PLXDC2: variants seen among roughly 807,000 people sequenced by gnomAD.
PLXDC2 encodes the protein plexin domain containing 2, also known as plexin domain-containing protein 2.
A neutral mutation model predicts 68.9 loss-of-function variants in PLXDC2; 40 were observed. The ratio of observed to expected loss-of-function variants is 0.58; its 90% CI spans 0.45 to 0.76. The LOEUF is 0.76. Ranked by LOEUF, PLXDC2 falls within the 30% of genes least tolerant of loss-of-function variation. The pLI is 0.00. For missense variants in PLXDC2, 644 were observed against 661.9 expected, an observed-to-expected ratio of 0.97 and a Z score of 0.30; for synonymous variants, 243 against 234.2, an observed-to-expected ratio of 1.04 and a Z score of -0.34.
intron 1 of PLXDC2, among the ~76,000 whole-genome samples, chr10:19,979,004 T>C (rs1268774002): frequency 2.6e-5 from 4 of 152,222 alleles, no homozygotes; most frequent in African/African-American, 9.6e-5. Flanking sequence ...AAAGTGTGTA[T>C]GTTGTGGAGC....
chr10:20,225,349 T>C (rs958876447), intron 12 of PLXDC2, among the ~76,000 whole-genome samples: 1 of 150,020 alleles, frequency 6.7e-6, no homozygotes, highest in African/African-American at 2.4e-5. Flanking sequence ...CAACATATCT[T>C]TCCCTTTTTT....
intron 4 of PLXDC2, among the ~76,000 whole-genome samples, chr10:20,080,147 A>G (rs1211280962): frequency 6.6e-6 from 1 of 152,200 alleles, no homozygotes; most frequent in Non-Finnish European, 1.5e-5. Flanking sequence ...GGTATTTATT[A>G]TAAAGCATTT....
At chr10:20,139,079 A>G (rs775971195) in intron 4 of PLXDC2, among the ~76,000 whole-genome samples, 3 of 152,006 alleles carry the variant, frequency 2.0e-5, no homozygotes, top group Non-Finnish European at 2.9e-5. Context: ...AAGATCTACA[A>G]TGATAGAATC....
At chr10:19,997,629 AATAC>A (rs1223114873) in intron 1 of PLXDC2, among the ~76,000 whole-genome samples, 1 of 152,226 alleles carries the variant, frequency 6.6e-6, no homozygotes, top group Non-Finnish European at 1.5e-5. Flanking sequence ...TCATTAGAAT[AATAC>A]ATAAACATAT....
intron 1 of PLXDC2, among the ~76,000 whole-genome samples, chr10:19,936,895 G>A (rs188410437): frequency 4.6e-4 from 70 of 152,290 alleles, no homozygotes; most frequent in Middle Eastern, 3.4e-3. Context: ...TAGCAAGATG[G>A]CTGTTACATA....
At chr10:19,835,934 G>T (rs1264078596) in intron 1 of PLXDC2, among the ~76,000 whole-genome samples, 2 of 152,076 alleles carry the variant, frequency 1.3e-5, no homozygotes, top group African/African-American at 4.8e-5. Flanking sequence ...CACTTTGGGG[G>T]GCTGACATGG....
chr10:19,971,858 T>C (rs924712678), intron 1 of PLXDC2, among the ~76,000 whole-genome samples: 2 of 152,184 alleles, frequency 1.3e-5, no homozygotes, highest in African/African-American at 4.8e-5. Context: ...TAAGTCAGCA[T>C]ATGTTCATTG....
intron 1 of PLXDC2, among the ~76,000 whole-genome samples, chr10:19,970,348 T>C (rs1589562635): frequency 6.6e-6 from 1 of 152,190 alleles, no homozygotes; most frequent in Non-Finnish European, 1.5e-5. Context: ...GTTTTTAAAG[T>C]TTAAAAACAG....
chr10:20,217,350 C>T, intron 10 of PLXDC2, 76 bp from the exon 11 acceptor site: 2 of 1,353,132 alleles, frequency 1.5e-6, no homozygotes, highest in South Asian at 1.6e-5. Context: ...GCTTTACAGC[C>T]CAGCTTCTTT....
chr10:19,925,772 G>A (rs1000590771), intron 1 of PLXDC2, among the ~76,000 whole-genome samples: 5 of 152,158 alleles, frequency 3.3e-5, no homozygotes, highest in East Asian at 3.9e-4. Context: ...ATGCCAAGGC[G>A]GGCTTTTATC....
chr10:20,037,319 C>T (rs910306215), intron 2 of PLXDC2, among the ~76,000 whole-genome samples: 1 of 150,982 alleles, frequency 6.6e-6, no homozygotes, highest in Non-Finnish European at 1.5e-5. Context: ...TCACCTAACT[C>T]TGCCTCAGAT....
In PLXDC2 at chr10:19,848,239, G is replaced by A. The variant is rs545517116; in HGVS notation, c.112+31048G>A. 9.2e-5 allele frequency among the ~76,000 whole-genome samples: 14 copies of A among 152,266 alleles called. No individual in the cohort carries two copies. The South Asian group carries it at 1.2e-3, about 14-fold the overall frequency. On this transcript the variant is annotated intron_variant, in intron 1 of 13. Coordinates refer to ENST00000377252, the MANE Select transcript of PLXDC2 (RefSeq NM_032812.9). The stretch of plus-strand genomic sequence containing the variant: ...CCGCTATGAAAATGAGACACAAGAC[G>A]TACCTATTTCTGGAAGCGTTCTCTG...
intron 12 of PLXDC2, among the ~76,000 whole-genome samples, chr10:20,224,537 A>G (rs1474325111): frequency 1.3e-5 from 2 of 152,224 alleles, no homozygotes; most frequent in Non-Finnish European, 2.9e-5. Context: ...GATGTCTTCA[A>G]AATGCAAACT....
intron 9 of PLXDC2, among the ~76,000 whole-genome samples, chr10:20,188,439 T>G (rs1834715525): frequency 6.6e-6 from 1 of 151,836 alleles, no homozygotes. Context: ...TTTGTCAAGA[T>G]GCAGATTGCT....
At chr10:20,275,613 A>T (rs976108642) in intron 13 of PLXDC2, among the ~76,000 whole-genome samples, 2 of 152,196 alleles carry the variant, frequency 1.3e-5, no homozygotes, top group Non-Finnish European at 2.9e-5. Flanking sequence ...ACGGCTTAAA[A>T]ATTAAAAAGG....
chr10:19,927,442 C>T (rs1182729970), intron 1 of PLXDC2, among the ~76,000 whole-genome samples: 1 of 151,958 alleles, frequency 6.6e-6, no homozygotes, highest in Non-Finnish European at 1.5e-5. Context: ...TGGCTCATGC[C>T]TGTAATCCCA....
Position 20,022,052 on chromosome 10 carries a change from C to G in PLXDC2, c.324+20066C>G, listed in dbSNP as rs1835320746. Among the ~76,000 whole-genome samples the G allele has an allele frequency of 2.0e-5, 3 of 152,310 alleles. No individual in the cohort carries two copies. In the South Asian group the frequency reaches 6.2e-4, roughly 32 times the overall value. ...ATGTTGAACTTTCAATTGTACTCAG[C>G]AAGAATGCATCACGGAACTGTATTG... is the stretch of plus-strand genomic sequence containing the variant. On this transcript the variant is annotated intron_variant, in intron 2 of 13. Transcript: ENST00000377252.
In PLXDC2 at chr10:19,922,006, G is replaced by A. The variant is rs147113106; in HGVS notation, c.113-79769G>A. Among the ~76,000 whole-genome samples the A allele has an allele frequency of 4.6e-5, 7 of 152,200 alleles. No homozygotes were observed. The East Asian group carries it at 1.4e-3, about 29-fold the overall frequency. On this transcript the variant is annotated intron_variant, in intron 1 of 13. Coordinates refer to ENST00000377252, the MANE Select transcript of PLXDC2 (RefSeq NM_032812.9). ...CCGAGTAGGTGGGACTAACAGTCAT[G>A]CACCACCATGCCCGACTAATTTTTG... is the stretch of plus-strand genomic sequence containing the variant.
At chr10:20,194,543 G>T (rs117833558) in intron 9 of PLXDC2, among the ~76,000 whole-genome samples, 4,148 of 151,962 alleles carry the variant, frequency 0.027, 75 homozygotes, top group Middle Eastern at 0.071. Flanking sequence ...ATTTAATCTG[G>T]TGCTTAGAAA....
Sources: gnomAD v4.1 joint callset for allele counts (sites outside exome capture counted in the v4.1 genomes callset) on GRCh38, gnomAD v4.1.1 for gene constraint, MANE v1.5 for transcripts, NCBI Gene and HGNC (gene_info 2026-07-23, HGNC 2026-07-21) for gene names.